Variants in CDH13 observed in about 807,000 individuals in gnomAD.
The protein encoded by CDH13 is cadherin 13.
A neutral mutation model predicts 63.8 loss-of-function variants in CDH13; 24 were observed. The ratio of observed to expected loss-of-function variants is 0.38; its 90% CI spans 0.27 to 0.53. The LOEUF is 0.53. Among genes scored for constraint, CDH13 ranks in the 20% least tolerant of loss-of-function variants. The pLI is 0.85. For missense variants in CDH13, 1,049 were observed against 903.1 expected (o/e 1.16, Z -2.07); for synonymous variants, 503 against 355.3 (o/e 1.42, Z -4.67).
chr16:82,744,087 A>G (rs965025977), intron 1 of CDH13, among the ~76,000 whole-genome samples: 2 of 152,172 alleles, frequency 1.3e-5, no homozygotes, highest in Non-Finnish European at 2.9e-5. Flanking sequence ...CTTCGCCTCC[A>G]AGAAGTCTGG....
intron 1 of CDH13, among the ~76,000 whole-genome samples, chr16:82,704,114 C>A (rs911416074): frequency 9.2e-5 from 14 of 152,032 alleles, no homozygotes; most frequent in Admixed American, 3.3e-4. Context: ...TTGAATGTTT[C>A]TAAACTCTAA....
chr16:83,126,296 G>C (rs1036776518), intron 4 of CDH13, among the ~76,000 whole-genome samples: 6 of 152,194 alleles, frequency 3.9e-5, no homozygotes, highest in Non-Finnish European at 8.8e-5. Flanking sequence ...CACGTGGTTA[G>C]TCCCTGCTTC....
chr16:83,698,225 T>A (rs796564831), intron 10 of CDH13, among the ~76,000 whole-genome samples: 9 of 152,388 alleles, frequency 5.9e-5, no homozygotes, highest in African/African-American at 1.9e-4. Flanking sequence ...ATATTTAATA[T>A]GTCTTTGCAA....
intron 6 of CDH13, among the ~76,000 whole-genome samples, chr16:83,424,798 C>T (rs1443915468): frequency 6.6e-6 from 1 of 152,136 alleles, no homozygotes; most frequent in East Asian, 1.9e-4. Flanking sequence ...CAGTCAGAGA[C>T]CAATTTTAAT....
At chr16:83,043,485 ATATGAGTGTG>A (rs1013766646) in intron 3 of CDH13, among the ~76,000 whole-genome samples, 4 of 130,670 alleles carry the variant, frequency 3.1e-5, no homozygotes, top group Non-Finnish European at 4.8e-5. Context: ...ATAACTGTAT[ATATGAGTGTG>A]TGTGTGTGTG....
At chr16:83,757,405 C>G (rs1363049733) in intron 11 of CDH13, among the ~76,000 whole-genome samples, 2 of 152,072 alleles carry the variant, frequency 1.3e-5, no homozygotes, top group African/African-American at 4.8e-5. Flanking sequence ...TGGCAAAACC[C>G]TGTCTCTACC....
intron 2 of CDH13, among the ~76,000 whole-genome samples, chr16:83,030,654 A>AAAAAAAG: frequency 6.6e-6 from 1 of 150,710 alleles, no homozygotes; most frequent in Non-Finnish European, 1.5e-5. Flanking sequence ...AAAAAAAAAA[A>AAAAAAAG]AAAAAAAAAG....
intron 10 of CDH13, among the ~76,000 whole-genome samples, chr16:83,739,170 A>G (rs1004411809): frequency 6.6e-6 from 1 of 152,108 alleles, no homozygotes; most frequent in African/African-American, 2.4e-5. Flanking sequence ...TGCGCGAACA[A>G]ATGTGGTTTA....
chr16:82,971,460 C>G (rs1302793041), intron 2 of CDH13, among the ~76,000 whole-genome samples: 1 of 152,174 alleles, frequency 6.6e-6, no homozygotes, highest in Non-Finnish European at 1.5e-5. Flanking sequence ...GTATCATCAC[C>G]TGTATTTTAA....
intron 1 of CDH13, among the ~76,000 whole-genome samples, chr16:82,724,979 C>T (rs1435689771): frequency 6.6e-6 from 1 of 152,166 alleles, no homozygotes; most frequent in African/African-American, 2.4e-5. Flanking sequence ...AATAAGATGG[C>T]TTCTTAAGGA....
At chr16:82,726,784 T>A (rs964049884) in intron 1 of CDH13, among the ~76,000 whole-genome samples, 2 of 152,210 alleles carry the variant, frequency 1.3e-5, no homozygotes, top group Non-Finnish European at 2.9e-5. Flanking sequence ...TAGCTTTTAT[T>A]GTTTTCATTG....
At chr16:82,930,914 T>G (rs2042470493) in intron 2 of CDH13, among the ~76,000 whole-genome samples, 1 of 152,210 alleles carries the variant, frequency 6.6e-6, no homozygotes, top group South Asian at 2.1e-4. Context: ...AAAACTTGCT[T>G]TTACCTGCAG....
chr16:82,733,586 A>T (rs1287990829), intron 1 of CDH13, among the ~76,000 whole-genome samples: 2 of 152,172 alleles, frequency 1.3e-5, no homozygotes. Flanking sequence ...GACATTCAAC[A>T]TTCCATCTTC....
At chr16:83,343,608 C>G (rs139714488) in intron 5 of CDH13, among the ~76,000 whole-genome samples, 1 of 152,304 alleles carries the variant, frequency 6.6e-6, no homozygotes, top group African/African-American at 2.4e-5. Flanking sequence ...TGATTTATAA[C>G]AAGAATGTTT....
intron 8 of CDH13, among the ~76,000 whole-genome samples, chr16:83,648,935 A>C (rs1912097794): frequency 6.6e-6 from 1 of 151,904 alleles, no homozygotes; most frequent in South Asian, 2.1e-4. Flanking sequence ...CCAGCTCTCT[A>C]GCTTCCCCGC....
At chr16:82,851,192 T>G (rs2039466388) in intron 1 of CDH13, among the ~76,000 whole-genome samples, 1 of 151,988 alleles carries the variant, frequency 6.6e-6, no homozygotes, top group African/African-American at 2.4e-5. Flanking sequence ...TCCTAGCCCT[T>G]TGGGAGGCTG....
intron 1 of CDH13, among the ~76,000 whole-genome samples, chr16:82,763,060 TG>T (rs2034912764): frequency 6.6e-6 from 1 of 152,224 alleles, no homozygotes; most frequent in Non-Finnish European, 1.5e-5. Flanking sequence ...TATATAAGCA[TG>T]TGAGTATGGA....
chr16:83,184,727 C>T (rs1272737439), intron 4 of CDH13, among the ~76,000 whole-genome samples: 2 of 152,254 alleles, frequency 1.3e-5, no homozygotes, highest in South Asian at 2.1e-4. Flanking sequence ...TGCACTCCAG[C>T]CTGAGCAACA....
At chr16:83,391,208 C>T (rs1013092656) in intron 6 of CDH13, among the ~76,000 whole-genome samples, 7 of 144,590 alleles carry the variant, frequency 4.8e-5, no homozygotes, top group Admixed American at 6.8e-5. Context: ...CCTGCCTACA[C>T]ACTTTTTTTT....
Sources: allele counts gnomAD v4.1 joint callset (sites outside exome capture counted in the v4.1 genomes callset), GRCh38; gene constraint gnomAD v4.1.1; transcripts MANE v1.5; gene names NCBI Gene and HGNC (gene_info 2026-07-23, HGNC 2026-07-21).